CTNNA3: variants seen among roughly 807,000 people sequenced by gnomAD.
The protein encoded by CTNNA3 is catenin alpha 3, also known as catenin alpha-3.
A neutral mutation model predicts 95.7 loss-of-function variants in CTNNA3; 76 were observed. That is an observed-to-expected ratio of 0.79 (90% CI 0.66 to 0.96). The LOEUF (loss-of-function observed/expected upper bound fraction) is 0.96, where lower values mean the gene tolerates loss of function less well. Among genes scored for constraint, CTNNA3 ranks in the 40% least tolerant of loss-of-function variants. The pLI, the probability that CTNNA3 is intolerant of heterozygous loss-of-function variation, is 0.00. For synonymous variants in CTNNA3, 431 were observed against 374.4 expected, an observed-to-expected ratio of 1.15 and a Z score of -1.74; for missense variants, 1,191 against 1,089.8, an observed-to-expected ratio of 1.09 and a Z score of -1.31.
At chr10:65,943,165 G>A (rs1391027961) in intron 17 of CTNNA3, among the ~76,000 whole-genome samples, 1 of 151,324 alleles carries the variant, frequency 6.6e-6, no homozygotes. Context: ...CTGGGCTCAC[G>A]CCATCCTTCT....
At chr10:67,217,511 GAAC>G (rs1241881786) in intron 6 of CTNNA3, among the ~76,000 whole-genome samples, 1 of 152,156 alleles carries the variant, frequency 6.6e-6, no homozygotes, top group African/African-American at 2.4e-5. Flanking sequence ...GCCTCATGAA[GAAC>G]AACTGAGTCT....
intron 9 of CTNNA3, among the ~76,000 whole-genome samples, chr10:66,685,317 GTATGTGTGTATATA>G (rs1467088639): frequency 0.16 from 7,153 of 44,176 alleles, 1,082 homozygotes; most frequent in South Asian, 0.19. Context: ...ATGTGTGTGT[GTATGTGTGTATATA>G]TATATATATA....
At chr10:66,058,246 A>C (rs1397268294) in intron 15 of CTNNA3, among the ~76,000 whole-genome samples, 1 of 152,128 alleles carries the variant, frequency 6.6e-6, no homozygotes, top group Non-Finnish European at 1.5e-5. Context: ...CTGAAACCCT[A>C]GCAGAAGTGA....
At chr10:67,025,066 T>G (rs1461204261) in intron 7 of CTNNA3, among the ~76,000 whole-genome samples, 2 of 144,774 alleles carry the variant, frequency 1.4e-5, no homozygotes, top group African/African-American at 2.6e-5. Context: ...GGAGCGGAGG[T>G]TGCGGTGAGC....
chr10:66,163,581 A>G (rs1269588429), intron 13 of CTNNA3, among the ~76,000 whole-genome samples: 3 of 152,072 alleles, frequency 2.0e-5, no homozygotes, highest in African/African-American at 7.2e-5. Context: ...GTTTTGCAGG[A>G]GCAGTCTGCT....
chr10:66,409,707 G>T (rs1193144393), intron 11 of CTNNA3, among the ~76,000 whole-genome samples: 1 of 152,138 alleles, frequency 6.6e-6, no homozygotes, highest in African/African-American at 2.4e-5. Flanking sequence ...TTTAGTTTAT[G>T]TATTAAACAC....
intron 1 of CTNNA3, among the ~76,000 whole-genome samples, chr10:67,650,377 G>A (rs928355964): frequency 6.6e-6 from 1 of 152,184 alleles, no homozygotes; most frequent in Admixed American, 6.5e-5. Flanking sequence ...AATAAAGTAA[G>A]AAAAGTACAG....
At chr10:66,548,039 C>T (rs143982517) in intron 10 of CTNNA3, among the ~76,000 whole-genome samples, 165 of 152,092 alleles carry the variant, frequency 1.1e-3, no homozygotes, top group African/African-American at 3.9e-3. Context: ...CCTCAGCCTC[C>T]CCAGTAGTTG....
chr10:67,392,464 TA>T (rs1331702522), intron 5 of CTNNA3, among the ~76,000 whole-genome samples: 2 of 152,342 alleles, frequency 1.3e-5, no homozygotes, highest in East Asian at 3.9e-4. Flanking sequence ...GGTGGGACTG[TA>T]AACTACTTCA....
chr10:67,040,659 G>T (rs1033624762), intron 7 of CTNNA3, among the ~76,000 whole-genome samples: 1 of 152,078 alleles, frequency 6.6e-6, no homozygotes, highest in Non-Finnish European at 1.5e-5. Context: ...TTAAGATGAT[G>T]ACACTGATGG....
chr10:67,732,242 T>C (rs1841279323), intron 1 of CTNNA3, among the ~76,000 whole-genome samples: 1 of 152,184 alleles, frequency 6.6e-6, no homozygotes, highest in East Asian at 1.9e-4. Flanking sequence ...TGTGAACTTG[T>C]ATTTTTCAAA....
At chr10:67,551,353 G>A (rs1242521696) in intron 3 of CTNNA3, among the ~76,000 whole-genome samples, 2 of 152,096 alleles carry the variant, frequency 1.3e-5, no homozygotes, top group African/African-American at 4.8e-5. Flanking sequence ...AGTCGGAGAA[G>A]AGTCAGGCAG....
intron 7 of CTNNA3, among the ~76,000 whole-genome samples, chr10:66,780,862 T>G (rs1334445077): frequency 6.6e-6 from 1 of 152,160 alleles, no homozygotes; most frequent in Non-Finnish European, 1.5e-5. Flanking sequence ...AAAATGAATA[T>G]TTGTCCTAAA....
chr10:67,357,453 T>C (rs1344442494), intron 5 of CTNNA3, among the ~76,000 whole-genome samples: 1 of 152,048 alleles, frequency 6.6e-6, no homozygotes, highest in Non-Finnish European at 1.5e-5. Flanking sequence ...CCATTTACGA[T>C]AGCAGAAAAG....
intron 10 of CTNNA3, among the ~76,000 whole-genome samples, chr10:66,611,144 G>C (rs1844315857): frequency 6.6e-6 from 1 of 152,094 alleles, no homozygotes; most frequent in African/African-American, 2.4e-5. Flanking sequence ...AAGAGAATAA[G>C]GGGCAGTGAA....
At chr10:67,547,522 C>G (rs963849074) in intron 3 of CTNNA3, among the ~76,000 whole-genome samples, 34 of 152,124 alleles carry the variant, frequency 2.2e-4, no homozygotes, top group African/African-American at 8.0e-4. Flanking sequence ...ATATATCACC[C>G]CATTCAGAGT....
chr10:67,676,318 A>C (rs551294216), intron 1 of CTNNA3, among the ~76,000 whole-genome samples: 1 of 152,318 alleles, frequency 6.6e-6, no homozygotes, highest in East Asian at 1.9e-4. Context: ...TTCTGAGGTC[A>C]TGCCACTGGA....
At chr10:67,374,535 A>G (rs115590815) in intron 5 of CTNNA3, among the ~76,000 whole-genome samples, 6,234 of 152,284 alleles carry the variant, frequency 0.041, 183 homozygotes, top group South Asian at 0.1. Flanking sequence ...TACTTCTTTT[A>G]TATTGGGCTA....
intron 5 of CTNNA3, among the ~76,000 whole-genome samples, chr10:67,250,169 A>T (rs1409342190): frequency 6.6e-6 from 1 of 152,050 alleles, no homozygotes; most frequent in Non-Finnish European, 1.5e-5. Flanking sequence ...CCAAACATGG[A>T]TCCAAAAGAC....
Sources: gnomAD v4.1 joint callset for allele counts (sites outside exome capture counted in the v4.1 genomes callset) on GRCh38, gnomAD v4.1.1 for gene constraint, MANE v1.5 for transcripts, NCBI Gene and HGNC (gene_info 2026-07-23, HGNC 2026-07-21) for gene names.